PRKN: variants seen among roughly 807,000 people sequenced by gnomAD.
PRKN encodes E3 ubiquitin-protein ligase parkin.
PRKN carries 56 observed loss-of-function variants against 59.5 expected under a neutral mutation model. The observed-to-expected ratio is 0.94, with a 90% CI of 0.76 to 1.18. The LOEUF is 1.18. Ranked by LOEUF, PRKN falls within the 50% of genes most tolerant of loss-of-function variation. PRKN has a pLI of 0.00. For synonymous variants in PRKN, 250 were observed against 222.1 expected (o/e 1.13, Z -1.12); for missense variants, 657 against 596.4 (o/e 1.10, Z -1.06).
chr6:161,638,030 A>AT (rs539526303), intron 7 of PRKN, among the ~76,000 whole-genome samples: 114 of 151,704 alleles, frequency 7.5e-4, no homozygotes, highest in African/African-American at 2.4e-3. Flanking sequence ...GGGCCAGGGT[A>AT]TTTTTTTTCA....
At chr6:162,540,260 T>A (rs1487287816) in intron 1 of PRKN, among the ~76,000 whole-genome samples, 1 of 151,842 alleles carries the variant, frequency 6.6e-6, no homozygotes, top group East Asian at 1.9e-4. Context: ...GATAGAGTCT[T>A]GCTCTGTCAC....
rs1554288885 is a variant in PRKN, at chr6:162,235,987, A to AAG, written c.412+26536_412+26537dup. Among the ~76,000 whole-genome samples, 677 of 131,218 alleles carry AAG rather than the reference A, an allele frequency of 5.2e-3. 31 individuals carry two copies. The highest frequency in any genetic ancestry group is 0.019 in the African/African-American group (637 of 33,446). The allele number at this position is 131,218 out of a possible 152,430, so 86.1% of individuals were successfully genotyped here. A position where few individuals can be genotyped will look rare whatever the true frequency, so the allele number is the denominator to read the frequency against. ...AAAGAAAGAAAGAAAGAAAGAAAGA[A>AAG]AGAAAGAAAGAAAGAAAGAAAGAAA... On this transcript the variant is annotated intron_variant, in intron 3 of 11. Transcript: ENST00000366898.
At chr6:162,225,253 G>A (rs1778118863) in intron 3 of PRKN, among the ~76,000 whole-genome samples, 1 of 152,042 alleles carries the variant, frequency 6.6e-6, no homozygotes, top group African/African-American at 2.4e-5. Context: ...TTGTCAGATG[G>A]CATTAATCCA....
Position 161,777,826 on chromosome 6 carries a change from G to A in PRKN, c.871+7946C>T, listed in dbSNP as rs951428207. Among the ~76,000 whole-genome samples, 412 of 133,922 alleles carry A rather than the reference G, an allele frequency of 3.1e-3. 5 individuals are homozygous for A. The highest frequency in any genetic ancestry group is 0.013 in the African/African-American group (388 of 30,338). The allele number at this position is 133,922 out of a possible 152,430, so 87.9% of individuals were successfully genotyped here. ...TATATATGTATATATGTGTATATAT[G>A]TATATGTATACGTATATATGTATAT... On this transcript the variant is annotated intron_variant, in intron 7 of 11. Transcript: ENST00000366898.
At chr6:161,511,334 T>C (rs16892670) in intron 9 of PRKN, among the ~76,000 whole-genome samples, 2,344 of 152,268 alleles carry the variant, frequency 0.015, 64 homozygotes, top group African/African-American at 0.054. Flanking sequence ...GTTCAGATGA[T>C]TTAAACTTTT....
chr6:162,417,628 T>C (rs980726060), intron 2 of PRKN, among the ~76,000 whole-genome samples: 4 of 152,196 alleles, frequency 2.6e-5, no homozygotes, highest in African/African-American at 9.6e-5. Flanking sequence ...ATGGTACCCT[T>C]TGAAATTAAA....
At chr6:161,918,406 A>T (rs752316915) in intron 6 of PRKN, among the ~76,000 whole-genome samples, 5 of 152,200 alleles carry the variant, frequency 3.3e-5, no homozygotes, top group Non-Finnish European at 7.3e-5. Context: ...GCTGCAAGAG[A>T]GATTCAGCTC....
intron 2 of PRKN, among the ~76,000 whole-genome samples, chr6:162,357,898 A>G (rs1251433613): frequency 6.6e-6 from 1 of 152,214 alleles, no homozygotes. Flanking sequence ...TGATTGCCAC[A>G]GGTTCAGGGG....
chr6:162,048,667 A>G (rs764630425), intron 5 of PRKN, among the ~76,000 whole-genome samples: 1 of 151,610 alleles, frequency 6.6e-6, no homozygotes, highest in Non-Finnish European at 1.5e-5. Context: ...AGGAAGAAGA[A>G]TAATTGTCTT....
chr6:162,107,856 A>G (rs990782398), intron 4 of PRKN, among the ~76,000 whole-genome samples: 1 of 152,186 alleles, frequency 6.6e-6, no homozygotes, highest in East Asian at 1.9e-4. Context: ...AAGTTTGTCA[A>G]AAAACACCAG....
At chr6:161,704,867 C>T (rs976095717) in intron 7 of PRKN, among the ~76,000 whole-genome samples, 2 of 152,204 alleles carry the variant, frequency 1.3e-5, no homozygotes, top group African/African-American at 4.8e-5. Flanking sequence ...TGTTCAGGGT[C>T]CCTCAGCAGT....
At chr6:161,736,026 T>C (rs903397782) in intron 7 of PRKN, among the ~76,000 whole-genome samples, 1 of 152,254 alleles carries the variant, frequency 6.6e-6, no homozygotes, top group African/African-American at 2.4e-5. Flanking sequence ...TTACCTGCTA[T>C]GTATAACACA....
intron 7 of PRKN, among the ~76,000 whole-genome samples, chr6:161,741,248 T>C (rs759837202): frequency 6.6e-6 from 1 of 152,194 alleles, no homozygotes; most frequent in African/African-American, 2.4e-5. Flanking sequence ...CATGTGAGGG[T>C]AATTCCGTGG....
chr6:162,125,177 G>A (rs1158263305), intron 4 of PRKN, among the ~76,000 whole-genome samples: 1 of 152,108 alleles, frequency 6.6e-6, no homozygotes, highest in Non-Finnish European at 1.5e-5. Context: ...CGGGAAAAAC[G>A]CTGCCAACAT....
chr6:162,326,900 A>G (rs1164162662), intron 2 of PRKN, among the ~76,000 whole-genome samples: 5 of 152,204 alleles, frequency 3.3e-5, no homozygotes. Flanking sequence ...GTTTAAAATC[A>G]TGTGACTACA....
rs77505948 is a variant in PRKN at position 161,783,382 on chromosome 6, C to T, written c.871+2390G>A. Among the ~76,000 whole-genome samples the T allele has an allele frequency of 8.4e-3, 1,273 of 152,088 alleles. 8 individuals are homozygous for T. The highest frequency in any genetic ancestry group is 0.012 in the Non-Finnish European group (837 of 68,002). The stretch of plus-strand genomic sequence containing the variant: ...CAAGACTTTTAAATACTATTTCCTA[C>T]GAAAGGGAGCCAGAGGTCCTGAGAA... On this transcript the variant is annotated intron_variant, in intron 7 of 11. Coordinates refer to ENST00000366898, the MANE Select transcript of PRKN (RefSeq NM_004562.3).
Position 162,148,673 on chromosome 6 carries a change from A to T in PRKN, c.534+52458T>A, listed in dbSNP as rs541061472. Reference sequence around the variant, plus strand: ...GCCTAAAATAAAGGAATAACATCTAAGCAAAGGCCTGAAAGAAAACCATAA... The same window carrying T: ...GCCTAAAATAAAGGAATAACATCTATGCAAAGGCCTGAAAGAAAACCATAA... On this transcript the variant is annotated intron_variant, in intron 4 of 11. Coordinates refer to ENST00000366898, the MANE Select transcript of PRKN (RefSeq NM_004562.3). 5.1e-4 allele frequency among the ~76,000 whole-genome samples: 77 copies of T among 152,306 alleles called. 1 individual carries two copies. Among genetic ancestry groups the T allele is most frequent in the African/African-American group, 1.7e-3 (71 of 41,566 alleles).
chr6:161,703,856 T>C lies in PRKN; in HGVS notation c.871+81916A>G, dbSNP rs1245431012. Among the ~76,000 whole-genome samples the C allele has an allele frequency of 4.3e-3, 519 of 121,330 alleles. 12 individuals are homozygous for C. Among genetic ancestry groups the C allele is most frequent in the African/African-American group, 0.019 (503 of 27,018 alleles). The allele number at this position is 121,330 out of a possible 152,430, so 79.6% of individuals were successfully genotyped here. On this transcript the variant is annotated intron_variant, in intron 7 of 11. Coordinates refer to ENST00000366898, the MANE Select transcript of PRKN (RefSeq NM_004562.3). ...CTCTCTCTCTTTTTTTTTTTTTTTT[T>C]TTTTTTTTTTTTTTTTTTTTACAGA...
At chr6:161,583,083 A>G (rs3916166) in intron 7 of PRKN, among the ~76,000 whole-genome samples, 14,539 of 151,412 alleles carry the variant, frequency 0.096, 2,363 homozygotes, top group African/African-American at 0.33. Flanking sequence ...TTACTGGTTA[A>G]TTTTTTGATG....
Sources: allele counts gnomAD v4.1 joint callset (sites outside exome capture counted in the v4.1 genomes callset), GRCh38; gene constraint gnomAD v4.1.1; transcripts MANE v1.5; gene names NCBI Gene and HGNC (gene_info 2026-07-23, HGNC 2026-07-21).